TFEC: variants seen among roughly 807,000 people sequenced by gnomAD.
The protein encoded by TFEC is transcription factor EC.
Under a neutral mutation model 41.6 loss-of-function variants are expected in TFEC, and 31 were observed. That is an observed-to-expected ratio of 0.74 (90% CI 0.56 to 1.01). The LOEUF is 1.01. TFEC is among the 50% of genes least tolerant of loss of function. The pLI, the probability that TFEC is intolerant of heterozygous loss-of-function variation, is 0.00. For missense variants in TFEC, 402 were observed against 404.1 expected, an observed-to-expected ratio of 0.99 and a Z score of 0.04; for synonymous variants, 143 against 140.6, an observed-to-expected ratio of 1.02 and a Z score of -0.12.
chr7:116,103,030 G>C (rs1354688063), intron 3 of TFEC, among the ~76,000 whole-genome samples: 1 of 152,166 alleles, frequency 6.6e-6, no homozygotes, highest in African/African-American at 2.4e-5. Context: ...CTATCAATAA[G>C]ATAGGCAGGG....
chr7:115,994,507 C>T (rs1452044117), intron 1 of TFEC, among the ~76,000 whole-genome samples: 1 of 152,122 alleles, frequency 6.6e-6, no homozygotes. Flanking sequence ...CACAAATTTA[C>T]AAGAAAAAAT....
At chr7:116,017,434 G>A (rs1453475801) in intron 1 of TFEC, among the ~76,000 whole-genome samples, 3 of 152,058 alleles carry the variant, frequency 2.0e-5, no homozygotes, top group African/African-American at 7.2e-5. Flanking sequence ...ATATTGGCCG[G>A]CTGGTCTCGA....
intron 2 of TFEC, among the ~76,000 whole-genome samples, chr7:115,977,430 G>T (rs1793433436): frequency 6.6e-6 from 1 of 152,008 alleles, no homozygotes; most frequent in South Asian, 2.1e-4. Flanking sequence ...AACACTGAGT[G>T]CAAGAAGAAA....
chr7:116,006,654 G>A (rs1584684803), intron 1 of TFEC, among the ~76,000 whole-genome samples: 1 of 152,276 alleles, frequency 6.6e-6, no homozygotes, highest in East Asian at 1.9e-4. Context: ...TTGAGTTAAT[G>A]CTGAAATGGG....
intron 3 of TFEC, among the ~76,000 whole-genome samples, chr7:116,064,655 T>A (rs1022717078): frequency 6.6e-6 from 1 of 152,052 alleles, no homozygotes; most frequent in African/African-American, 2.4e-5. Context: ...GTGGCATATG[T>A]ATGCCTATGT....
chr7:116,129,299 A>G (rs2116292546), intron 1 of TFEC, among the ~76,000 whole-genome samples: 1 of 151,426 alleles, frequency 6.6e-6, no homozygotes, highest in Admixed American at 6.6e-5. Flanking sequence ...TTTTTGTTGA[A>G]ATAGTTTTTG....
intron 3 of TFEC, among the ~76,000 whole-genome samples, chr7:116,039,605 CAG>C (rs1297693765): frequency 2.0e-5 from 3 of 151,906 alleles, no homozygotes; most frequent in Admixed American, 6.6e-5. Context: ...TACAAGCAAA[CAG>C]AAAGTTTTCT....
chr7:116,088,225 C>CTTCTCTA (rs1797244585), intron 3 of TFEC, among the ~76,000 whole-genome samples: 1 of 152,094 alleles, frequency 6.6e-6, no homozygotes, highest in Non-Finnish European at 1.5e-5. Context: ...ATTGGACAAC[C>CTTCTCTA]ACCCATCCCC....
At chr7:115,944,458 C>T (rs1562877084) in intron 6 of TFEC, among the ~76,000 whole-genome samples, 1 of 151,486 alleles carries the variant, frequency 6.6e-6, no homozygotes, top group Non-Finnish European at 1.5e-5. Context: ...ATTTTCTCAA[C>T]CTGTACGTCT....
intron 3 of TFEC, among the ~76,000 whole-genome samples, chr7:116,089,014 T>C (rs1261355857): frequency 6.6e-6 from 1 of 152,056 alleles, no homozygotes; most frequent in Non-Finnish European, 1.5e-5. Context: ...ATTAATCTCC[T>C]TGTGTATGGA....
intron 1 of TFEC, among the ~76,000 whole-genome samples, chr7:116,125,339 A>G: frequency 6.6e-6 from 1 of 152,198 alleles, no homozygotes; most frequent in East Asian, 1.9e-4. Flanking sequence ...TCCTTTTAGT[A>G]TGATGTATAG....
chr7:116,013,562 A>C (rs1584696519), intron 1 of TFEC, among the ~76,000 whole-genome samples: 1 of 152,154 alleles, frequency 6.6e-6, no homozygotes, highest in South Asian at 2.1e-4. Flanking sequence ...CATTTCATCT[A>C]TTAAAAAATA....
At chr7:115,967,070 G>T (rs1291473757) in intron 3 of TFEC, among the ~76,000 whole-genome samples, 1 of 151,006 alleles carries the variant, frequency 6.6e-6, no homozygotes, top group African/African-American at 2.4e-5. Context: ...AGAATCTTTG[G>T]CATATATATG....
intron 3 of TFEC, among the ~76,000 whole-genome samples, chr7:116,097,125 T>TG (rs1797483852): frequency 6.7e-6 from 1 of 149,710 alleles, no homozygotes; most frequent in African/African-American, 2.4e-5. Flanking sequence ...AAAAAGAAAG[T>TG]GGGCAGGATA....
At chr7:116,095,799 G>C (rs919809055) in intron 3 of TFEC, among the ~76,000 whole-genome samples, 2 of 151,240 alleles carry the variant, frequency 1.3e-5, no homozygotes, top group African/African-American at 2.4e-5. Flanking sequence ...AATATCTCTT[G>C]CTTTGCCCTC....
At chr7:115,957,150 C>A (rs1036854412) in intron 3 of TFEC, among the ~76,000 whole-genome samples, 7 of 151,810 alleles carry the variant, frequency 4.6e-5, no homozygotes, top group African/African-American at 1.7e-4. Flanking sequence ...GGACAAAAAT[C>A]AATATACATC....
chr7:116,119,510 G>T (rs918510313), intron 1 of TFEC, among the ~76,000 whole-genome samples: 1 of 151,360 alleles, frequency 6.6e-6, no homozygotes, highest in African/African-American at 2.4e-5. Context: ...CAAATCATAC[G>T]TACAATATTT....
intron 1 of TFEC, among the ~76,000 whole-genome samples, chr7:116,140,786 T>C (rs962248273): frequency 2.6e-5 from 4 of 152,204 alleles, no homozygotes; most frequent in South Asian, 2.1e-4. Flanking sequence ...ATGTGCACTG[T>C]AGCATTTCAT....
intron 3 of TFEC, among the ~76,000 whole-genome samples, chr7:116,097,970 T>A (rs534655466): frequency 1.3e-5 from 2 of 152,152 alleles, no homozygotes; most frequent in Admixed American, 6.5e-5. Context: ...AATAAATACA[T>A]AAACTGACAG....
Sources: gnomAD v4.1 joint callset for allele counts (sites outside exome capture counted in the v4.1 genomes callset) on GRCh38, gnomAD v4.1.1 for gene constraint, MANE v1.5 for transcripts, NCBI Gene and HGNC (gene_info 2026-07-23, HGNC 2026-07-21) for gene names.